The following POU2F1 variants were observed in gnomAD, a reference collection of about 807,000 sequenced individuals.
The protein encoded by POU2F1 is POU domain, class 2, transcription factor 1.
POU2F1 carries 16 observed loss-of-function variants against 84.9 expected under a neutral mutation model. The observed-to-expected ratio is 0.19, with a 90% CI of 0.13 to 0.29. The LOEUF (loss-of-function observed/expected upper bound fraction) is 0.29, where lower values mean the gene tolerates loss of function less well. Ranked by LOEUF, POU2F1 falls within the 10% of genes least tolerant of loss-of-function variation. The probability of loss-of-function intolerance (pLI) is 1.00; values close to 1 mark genes in which losing one functional copy is unlikely to be tolerated. For synonymous variants in POU2F1, 368 were observed against 368.3 expected (o/e 1.00, Z 0.01); for missense variants, 738 against 942.6 (o/e 0.78, Z 2.84).
At chr1:167,243,401 A>G (rs1257882504) in intron 1 of POU2F1, among the ~76,000 whole-genome samples, 4 of 152,274 alleles carry the variant, frequency 2.6e-5, no homozygotes, top group Admixed American at 6.5e-5. Flanking sequence ...ATTTCTTATT[A>G]TCTTCAAACC....
intron 1 of POU2F1, among the ~76,000 whole-genome samples, chr1:167,263,046 GT>G (rs1651684372): frequency 6.6e-6 from 1 of 152,178 alleles, no homozygotes; most frequent in African/African-American, 2.4e-5. Context: ...GATTAATCTG[GT>G]TGCATTGTCA....
At chr1:167,414,220 G>A (rs551270534) in intron 15 of POU2F1, 4 of 684,072 alleles carry the variant, frequency 5.8e-6, no homozygotes, top group East Asian at 2.7e-4. Flanking sequence ...TAAAGCTTTT[G>A]TTATATAATA....
chr1:167,307,524 T>G (rs555015437), intron 1 of POU2F1, among the ~76,000 whole-genome samples: 23 of 152,186 alleles, frequency 1.5e-4, no homozygotes, highest in Non-Finnish European at 3.1e-4. Context: ...TTTTTCTTTC[T>G]TTGCTGTTTT....
At chr1:167,367,314 A>C (rs556131804) in intron 3 of POU2F1, among the ~76,000 whole-genome samples, 2 of 152,318 alleles carry the variant, frequency 1.3e-5, no homozygotes, top group South Asian at 4.1e-4. Flanking sequence ...CCCATTAACT[A>C]TAAGTTCCAT....
chr1:167,354,980 A>G (rs760447892), intron 2 of POU2F1, among the ~76,000 whole-genome samples: 1 of 151,966 alleles, frequency 6.6e-6, no homozygotes, highest in African/African-American at 2.4e-5. Flanking sequence ...AATTCACTTT[A>G]TGTAGCCCTT....
At chr1:167,367,157 G>C (rs1659734204) in intron 3 of POU2F1, among the ~76,000 whole-genome samples, 1 of 152,066 alleles carries the variant, frequency 6.6e-6, no homozygotes, top group Non-Finnish European at 1.5e-5. Flanking sequence ...CAAGACACAA[G>C]TCCTTGCATC....
chr1:167,414,264 CTT>C lies in POU2F1; in HGVS notation c.1990+1154_1990+1155del, dbSNP rs932188969. ...TTGCAATAGAATTTGTGATAAATCA[CTT>C]TTTCTTCTGCTTTATTGAATGTTTC... On this transcript the variant is annotated intron_variant, in intron 15 of 15. Transcript: ENST00000367866. The C allele has an allele frequency of 9.5e-6, 9 of 944,034 alleles. No homozygotes were observed. The African/African-American group carries it at 1.6e-4, about 17-fold the overall frequency. 58.5% of individuals were successfully genotyped at this position (944,034 alleles called of 1,614,324 possible). A position where few individuals can be genotyped will look rare whatever the true frequency, so the allele number is the denominator to read the frequency against.
intron 9 of POU2F1, among the ~76,000 whole-genome samples, chr1:167,394,636 T>C (rs2101903317): frequency 6.6e-6 from 1 of 152,350 alleles, no homozygotes; most frequent in East Asian, 1.9e-4. Context: ...GCTGAAGAAC[T>C]GAATTTTTAA....
At chr1:167,302,765 T>A (rs1392236831) in intron 1 of POU2F1, among the ~76,000 whole-genome samples, 6 of 152,222 alleles carry the variant, frequency 3.9e-5, no homozygotes, top group Non-Finnish European at 7.3e-5. Context: ...TACACTGACT[T>A]ATACCAGTTA....
At position 167,378,778 on chromosome 1, in the gene POU2F1, ATTTG is replaced by A. The variant is rs553972400; in HGVS notation, c.718+2635_718+2638del. Among the ~76,000 whole-genome samples, 105 of 151,324 alleles carry A rather than the reference ATTTG, an allele frequency of 6.9e-4. 1 individual carries two copies. The highest frequency in any genetic ancestry group is 2.3e-3 in the African/African-American group (96 of 41,212). On this transcript the variant is annotated intron_variant, in intron 7 of 15. Coordinates refer to ENST00000367866, the MANE Select transcript of POU2F1 (RefSeq NM_002697.4). ...TTCACAGGCTCCTCGTTCTTGCTCT[ATTTG>A]TTTGTTTGTTTTTGAGATGGAGTTA...
intron 1 of POU2F1, among the ~76,000 whole-genome samples, chr1:167,244,301 G>T (rs1474771320): frequency 1.3e-5 from 2 of 152,054 alleles, no homozygotes; most frequent in African/African-American, 2.4e-5. Context: ...TCATCTGAAG[G>T]TTCAACTGGG....
intron 1 of POU2F1, among the ~76,000 whole-genome samples, chr1:167,235,898 C>G (rs956559468): frequency 3.9e-5 from 6 of 152,156 alleles, no homozygotes; most frequent in African/African-American, 7.2e-5. Flanking sequence ...AAATAGTAGT[C>G]TCCCATAAAC....
chr1:167,332,859 A>C (rs1356534564), intron 2 of POU2F1, among the ~76,000 whole-genome samples: 2 of 152,186 alleles, frequency 1.3e-5, no homozygotes, highest in African/African-American at 4.8e-5. Flanking sequence ...CAATTTCCCC[A>C]ATCTTTTTGA....
At chr1:167,275,984 C>T (rs533099857) in intron 1 of POU2F1, among the ~76,000 whole-genome samples, 2 of 152,162 alleles carry the variant, frequency 1.3e-5, no homozygotes, top group East Asian at 1.9e-4. Context: ...CAGCAGTTAG[C>T]GATCTAAGAA....
chr1:167,274,040 C>T (rs1652554452), intron 1 of POU2F1, among the ~76,000 whole-genome samples: 1 of 152,170 alleles, frequency 6.6e-6, no homozygotes, highest in Non-Finnish European at 1.5e-5. Context: ...TGAATGACCA[C>T]CAGTTACTAA....
chr1:167,272,376 AC>A (rs1361996480), intron 1 of POU2F1, among the ~76,000 whole-genome samples: 1 of 141,084 alleles, frequency 7.1e-6, no homozygotes, highest in Non-Finnish European at 1.5e-5. Flanking sequence ...GTATGTTCCC[AC>A]ACATTAGGAT....
At chr1:167,372,773 T>C (rs985610979) in intron 5 of POU2F1, among the ~76,000 whole-genome samples, 7 of 152,244 alleles carry the variant, frequency 4.6e-5, no homozygotes, top group Non-Finnish European at 7.3e-5. Context: ...AGTTTTCAGC[T>C]GTCTTTTCTC....
chr1:167,284,548 A>G (rs1437888633), intron 1 of POU2F1, among the ~76,000 whole-genome samples: 1 of 152,228 alleles, frequency 6.6e-6, no homozygotes, highest in Admixed American at 6.5e-5. Flanking sequence ...AAAATATTCT[A>G]CTGTATTCAC....
intron 1 of POU2F1, among the ~76,000 whole-genome samples, chr1:167,313,037 A>G (rs1655612650): frequency 6.6e-6 from 1 of 152,224 alleles, no homozygotes; most frequent in Admixed American, 6.5e-5. Context: ...TCACACAGTG[A>G]TGAAACCACC....
Sources: gnomAD v4.1 joint callset for allele counts (sites outside exome capture counted in the v4.1 genomes callset) on GRCh38, gnomAD v4.1.1 for gene constraint, MANE v1.5 for transcripts, NCBI Gene and HGNC (gene_info 2026-07-23, HGNC 2026-07-21) for gene names.